The following CD96 variants were observed in gnomAD, a reference collection of about 807,000 sequenced individuals.
CD96 encodes the protein CD96 molecule, also known as T-cell surface protein tactile.
CD96 carries 70 observed loss-of-function variants against 71.3 expected under a neutral mutation model. The observed-to-expected ratio is 0.98, with a 90% CI of 0.81 to 1.20. CD96 has a LOEUF of 1.20. Ranked by LOEUF, CD96 falls within the 50% of genes most tolerant of loss-of-function variation. The pLI is 0.00. For missense variants in CD96, 742 were observed against 677.5 expected (o/e 1.10, Z -1.06); for synonymous variants, 248 against 233.0 (o/e 1.06, Z -0.59).
intron 14 of CD96, among the ~76,000 whole-genome samples, chr3:111,665,015 G>A (rs76759735): frequency 0.042 from 6,360 of 152,250 alleles, 193 homozygotes; most frequent in Middle Eastern, 0.068. Flanking sequence ...CAAAGGGTGT[G>A]TGTTCATGTG....
chr3:111,586,945 T>G (rs1344427396), intron 5 of CD96, among the ~76,000 whole-genome samples: 1 of 152,116 alleles, frequency 6.6e-6, no homozygotes, highest in Non-Finnish European at 1.5e-5. Flanking sequence ...ATTGCAGCAT[T>G]AACTCAAAAG....
intron 8 of CD96, among the ~76,000 whole-genome samples, chr3:111,611,776 A>G (rs995980896): frequency 6.6e-6 from 1 of 152,222 alleles, no homozygotes; most frequent in Non-Finnish European, 1.5e-5. Flanking sequence ...GGCGTAAAAC[A>G]AAATGAGTGC....
At chr3:111,582,905 C>T (rs1936534280) in intron 4 of CD96, among the ~76,000 whole-genome samples, 1 of 152,126 alleles carries the variant, frequency 6.6e-6, no homozygotes, top group African/African-American at 2.4e-5. Flanking sequence ...CACCCATGGC[C>T]TGTCCCAAAT....
chr3:111,564,143 G>A (rs1278861006), intron 2 of CD96, among the ~76,000 whole-genome samples: 2 of 151,944 alleles, frequency 1.3e-5, no homozygotes, highest in African/African-American at 4.8e-5. Context: ...CTATTTTGCA[G>A]TATAATCGTT....
intron 4 of CD96, among the ~76,000 whole-genome samples, chr3:111,581,312 G>A (rs992614735): frequency 4.6e-5 from 7 of 152,078 alleles, no homozygotes; most frequent in African/African-American, 9.7e-5. Flanking sequence ...ATTTTGAGGT[G>A]TTACCCAAGT....
intron 2 of CD96, among the ~76,000 whole-genome samples, chr3:111,561,978 G>A (rs1351067733): frequency 6.6e-6 from 1 of 151,688 alleles, no homozygotes. Context: ...TTTTCCAGGT[G>A]CGTCCGTCAC....
intron 8 of CD96, among the ~76,000 whole-genome samples, chr3:111,616,443 G>C (rs948397278): frequency 5.9e-5 from 9 of 152,078 alleles, no homozygotes; most frequent in African/African-American, 2.2e-4. Flanking sequence ...GGGACAGGAA[G>C]CTGAAAGGTG....
chr3:111,638,160 A>C lies in CD96; in HGVS notation c.1469A>C (p.His490Pro). ...GGATCTACGAAAACTAATCACGTCC[A>C]TATCACTGGTAAGTCATTTATCCTA... Reference protein sequence around the residue: ...ANGSTKTNHVHITGIVVNKPK... With the variant: ...ANGSTKTNHVPITGIVVNKPK... The change falls in exon 12 of 14, where the codon CAT becomes CCT. Residue 490 changes from histidine (H) to proline (P), a missense_variant. Transcript: ENST00000352690. 6.3e-7 allele frequency: 1 copy of C among 1,582,394 alleles called. No homozygotes were observed. Among genetic ancestry groups the C allele is most frequent in the Non-Finnish European group, 8.7e-7 (1 of 1,151,068 alleles).
intron 7 of CD96, among the ~76,000 whole-genome samples, chr3:111,605,265 G>T (rs1937591294): frequency 6.6e-6 from 1 of 152,204 alleles, no homozygotes; most frequent in Non-Finnish European, 1.5e-5. Context: ...ACATCACAAA[G>T]ATCCCCAGGC....
Position 111,542,292 on chromosome 3 carries a change from A to G in CD96, c.44A>G (p.Gln15Arg). ...TACTGTGCTGTCTATTACATCATCC[A>G]GATACATTTTGTCAAGGGTAAGACT... Reference protein sequence around the residue: ...WKYCAVYYIIQIHFVKGVWEK... With the variant: ...WKYCAVYYIIRIHFVKGVWEK... Residue 15 changes from glutamine to arginine, a missense_variant, in exon 1 of 14, where the codon CAG becomes CGG. Transcript: ENST00000352690. The G allele has an allele frequency of 6.2e-7, 1 of 1,613,834 alleles. No homozygotes were observed. The highest frequency in any genetic ancestry group is 8.5e-7 in the Non-Finnish European group (1 of 1,179,728).
chr3:111,574,950 AC>A (rs1936157524), intron 3 of CD96, among the ~76,000 whole-genome samples: 1 of 82,372 alleles, frequency 1.2e-5, no homozygotes, highest in Non-Finnish European at 2.7e-5. Context: ...TACCCAGCTA[AC>A]TTTTTTTTTT....
chr3:111,649,928 G>A lies in CD96; in HGVS notation c.*122G>A, dbSNP rs1940003787. 6.8e-6 allele frequency: 5 copies of A among 737,782 alleles called. No individual in the cohort carries two copies. The South Asian group carries it at 7.2e-5, about 11-fold the overall frequency. The allele number at this position is 737,782 out of a possible 1,614,324, so 45.7% of individuals were successfully genotyped here. A position where few individuals can be genotyped will look rare whatever the true frequency, so the allele number is the denominator to read the frequency against. ...TTTGCTGCAGCTGAAATGGAAGTCA[G>A]AAGTGAGTGACCTGTTTTCCCAGCA... On this transcript the variant is annotated 3_prime_UTR_variant, in exon 14 of 14. Coordinates refer to ENST00000352690, the MANE Select transcript of CD96 (RefSeq NM_005816.5).
chr3:111,662,490 A>T (rs1033231954), intron 14 of CD96, among the ~76,000 whole-genome samples: 6 of 152,194 alleles, frequency 3.9e-5, no homozygotes, highest in Admixed American at 6.5e-5. Flanking sequence ...TTCCTTTTTA[A>T]ATATAAGTTC....
Position 111,600,835 on chromosome 3 carries a change from C to T in CD96, c.1008C>T (p.Thr336=), listed in dbSNP as rs368568741. The change falls in exon 7 of 14, where the codon ACC becomes ACT. Residue 336 remains threonine, a synonymous_variant. Coordinates refer to ENST00000352690, the MANE Select transcript of CD96 (RefSeq NM_005816.5). ...SNKPAQSDNL[T]IWCMALSPVP... ...AACCAGCCCAATCAGACAACTTGAC[C>T]ATTTGGTGTATGGCTCTGTCTCCAG... 6.2e-7 allele frequency: 1 copy of T among 1,612,614 alleles called. No individual in the cohort carries two copies. The highest frequency in any genetic ancestry group is 8.5e-7 in the Non-Finnish European group (1 of 1,178,640).
chr3:111,581,044 C>T (rs185819548), intron 4 of CD96, among the ~76,000 whole-genome samples: 58 of 152,282 alleles, frequency 3.8e-4, no homozygotes, highest in African/African-American at 1.4e-3. Context: ...CTCTTTGCTG[C>T]ATTAAAACAC....
At chr3:111,595,529 A>G (rs943119508) in intron 5 of CD96, 1 of 151,966 alleles carries the variant, frequency 6.6e-6, no homozygotes, top group Non-Finnish European at 1.5e-5. Context: ...CACCCCCTCC[A>G]CCACCAAGAA....
At chr3:111,567,448 T>C in intron 2 of CD96, 75 bp from the exon 3 acceptor site, 1 of 1,272,712 alleles carries the variant, frequency 7.9e-7, no homozygotes, top group South Asian at 1.2e-5. Flanking sequence ...TAAAACTGTT[T>C]TTGTCTCTTT....
rs746693071 is a variant in CD96, at chr3:111,545,333, G to C, written c.349G>C (p.Glu117Gln). The stretch of plus-strand genomic sequence containing the variant: ...GTCTTGTTCAGTCAGTGGAAGGTAC[G>C]AGTGTATGCTTGTTCTGTATCCAGA... ...NMSCSVSGRY[E>Q]CMLVLYPEGI... Residue 117 changes from glutamate to glutamine, a missense_variant, in exon 2 of 14, where the codon GAG becomes CAG. Coordinates refer to ENST00000352690, the MANE Select transcript of CD96 (RefSeq NM_005816.5). 4.6e-5 allele frequency: 75 copies of C among 1,613,940 alleles called. No individual in the cohort carries two copies. Among genetic ancestry groups the C allele is most frequent in the Admixed American group, 1.5e-4 (9 of 60,006 alleles).
intron 10 of CD96, among the ~76,000 whole-genome samples, chr3:111,629,236 A>G (rs2107728920): frequency 6.6e-6 from 1 of 152,318 alleles, no homozygotes; most frequent in Admixed American, 6.5e-5. Context: ...ATAAAGAACC[A>G]AGACCTGTCA....
Sources: gnomAD v4.1 joint callset for allele counts (sites outside exome capture counted in the v4.1 genomes callset) on GRCh38, gnomAD v4.1.1 for gene constraint, MANE v1.5 for transcripts, NCBI Gene and HGNC (gene_info 2026-07-23, HGNC 2026-07-21) for gene names.